MYO5B: variants seen among roughly 807,000 people sequenced by gnomAD.
MYO5B encodes myosin VB, also known as unconventional myosin-Vb.
MYO5B carries 143 observed loss-of-function variants against 229.3 expected under a neutral mutation model. The ratio of observed to expected loss-of-function variants is 0.62; its 90% CI spans 0.54 to 0.72. MYO5B has a LOEUF of 0.72. Ranked by LOEUF, MYO5B falls within the 30% of genes least tolerant of loss-of-function variation. The pLI, the probability that MYO5B is intolerant of heterozygous loss-of-function variation, is 0.00. For synonymous variants in MYO5B, 918 were observed against 885.2 expected (o/e 1.04, Z -0.66); for missense variants, 2,321 against 2,331.0 (o/e 1.00, Z 0.09).
At chr18:50,039,541 G>A (rs9965311) in intron 3 of MYO5B, among the ~76,000 whole-genome samples, 2,352 of 152,072 alleles carry the variant, frequency 0.015, 58 homozygotes, top group African/African-American at 0.053. Flanking sequence ...CCATGTTAGT[G>A]AGGATGGTCT....
chr18:49,855,196 T>G (rs2024246563), intron 30 of MYO5B, among the ~76,000 whole-genome samples: 1 of 152,188 alleles, frequency 6.6e-6, no homozygotes, highest in Non-Finnish European at 1.5e-5. Context: ...GCCCTGAGGA[T>G]TTCTCTCCTG....
chr18:50,092,818 T>C lies in MYO5B; in HGVS notation c.28-37440A>G, dbSNP rs541058189. 3.9e-4 allele frequency among the ~76,000 whole-genome samples: 60 copies of C among 152,334 alleles called. No individual in the cohort carries two copies. In the East Asian group the frequency reaches 4.2e-3, roughly 11 times the overall value. ...ACTCTAATATTGAATTATTGAATCA[T>C]TGAATAAATGTCAAGAGTGTTAGAC... On this transcript the variant is annotated intron_variant, in intron 1 of 39. Coordinates refer to ENST00000285039, the MANE Select transcript of MYO5B (RefSeq NM_001080467.3).
Position 49,961,208 on chromosome 18 carries a change from T to A in MYO5B, c.1545+1058A>T, listed in dbSNP as rs1377347021. 4.6e-5 allele frequency among the ~76,000 whole-genome samples: 7 copies of A among 152,300 alleles called. No homozygotes were observed. In the East Asian group the frequency reaches 1.3e-3, roughly 29 times the overall value. ...GCTACTCAATCTAGGGACAATTGTT[T>A]TACCTTTACTGCTACCCCTCAGGTT... On this transcript the variant is annotated intron_variant, in intron 12 of 39. Transcript: ENST00000285039.
At chr18:50,168,505 G>A (rs1260352052) in intron 1 of MYO5B, among the ~76,000 whole-genome samples, 2 of 152,220 alleles carry the variant, frequency 1.3e-5, no homozygotes, top group African/African-American at 2.4e-5. Flanking sequence ...GCTCCTGCTT[G>A]CTGCAGTCCC....
At chr18:50,008,082 C>T (rs1369912811) in intron 4 of MYO5B, among the ~76,000 whole-genome samples, 1 of 152,136 alleles carries the variant, frequency 6.6e-6, no homozygotes, top group Non-Finnish European at 1.5e-5. Flanking sequence ...ATTACCATTA[C>T]ACTCCTTCCT....
chr18:49,901,634 G>C (rs2024842476), intron 21 of MYO5B, among the ~76,000 whole-genome samples: 1 of 152,216 alleles, frequency 6.6e-6, no homozygotes. Context: ...GTTCAGAGTA[G>C]TCACATCAGC....
intron 1 of MYO5B, among the ~76,000 whole-genome samples, chr18:50,148,493 A>T (rs113969625): frequency 0.074 from 11,206 of 152,176 alleles, 479 homozygotes; most frequent in East Asian, 0.19. Context: ...GCCATGATCA[A>T]GTGGGCTTCA....
At chr18:50,039,486 C>G (rs1223182719) in intron 3 of MYO5B, among the ~76,000 whole-genome samples, 1 of 152,008 alleles carries the variant, frequency 6.6e-6, no homozygotes, top group Non-Finnish European at 1.5e-5. Flanking sequence ...CGCCCGCCAC[C>G]ACACCCGGCT....
chr18:50,019,178 C>T (rs1288182466), intron 4 of MYO5B, among the ~76,000 whole-genome samples: 1 of 152,204 alleles, frequency 6.6e-6, no homozygotes, highest in Non-Finnish European at 1.5e-5. Context: ...TTTAAAGATA[C>T]ACCATAATCA....
intron 1 of MYO5B, among the ~76,000 whole-genome samples, chr18:50,117,512 C>T (rs1219894327): frequency 6.6e-6 from 1 of 152,058 alleles, no homozygotes; most frequent in South Asian, 2.1e-4. Flanking sequence ...CATATCATCG[C>T]CCCCTTTCTC....
At chr18:49,859,942 C>T (rs899003783) in intron 29 of MYO5B, among the ~76,000 whole-genome samples, 1 of 152,200 alleles carries the variant, frequency 6.6e-6, no homozygotes, top group Non-Finnish European at 1.5e-5. Flanking sequence ...TTGTCAAACA[C>T]AGTCTCCGCT....
At chr18:49,856,718 G>T in intron 30 of MYO5B, 95 bp downstream of exon 30, 2 of 1,024,764 alleles carry the variant, frequency 2.0e-6, no homozygotes, top group Non-Finnish European at 3.1e-6. Context: ...TGTTCCCCGT[G>T]CTCTCGCACC....
chr18:50,108,411 T>C (rs1275598604), intron 1 of MYO5B, among the ~76,000 whole-genome samples: 2 of 152,230 alleles, frequency 1.3e-5, no homozygotes, highest in Non-Finnish European at 2.9e-5. Context: ...ATTCGCGCTA[T>C]TGTGTGCTAT....
chr18:49,975,076 C>A (rs1309050972), intron 9 of MYO5B, among the ~76,000 whole-genome samples: 3 of 152,206 alleles, frequency 2.0e-5, no homozygotes, highest in African/African-American at 7.2e-5. Context: ...ACACCAAATG[C>A]AGTTTGCATC....
intron 14 of MYO5B, among the ~76,000 whole-genome samples, chr18:49,940,065 A>G (rs1012454738): frequency 6.6e-6 from 1 of 152,192 alleles, no homozygotes; most frequent in Non-Finnish European, 1.5e-5. Context: ...CTAGTGGAGT[A>G]TTTACTGAGT....
At chr18:49,940,739 G>A (rs2025304681) in intron 14 of MYO5B, among the ~76,000 whole-genome samples, 1 of 152,198 alleles carries the variant, frequency 6.6e-6, no homozygotes, top group Admixed American at 6.5e-5. Context: ...ACGGATCCAA[G>A]GGTTTGTTTT....
At position 50,194,820 on chromosome 18, in the gene MYO5B, C is replaced by T; in HGVS notation, c.-27G>A. The stretch of plus-strand genomic sequence containing the variant: ...GCCCGGGCCGGGCGGGGCTCGGGCC[C>T]CGGCTCCTGGCTGCCCCGCGGCTCT... On this transcript the variant is annotated 5_prime_UTR_variant, in exon 1 of 40. Transcript: ENST00000285039. 2 of 1,320,642 alleles carry T rather than the reference C, an allele frequency of 1.5e-6. No homozygotes were observed. Among genetic ancestry groups the T allele is most frequent in the Non-Finnish European group, 1.9e-6 (2 of 1,039,624 alleles). 81.8% of individuals were successfully genotyped at this position (1,320,642 alleles called of 1,614,324 possible). A position where few individuals can be genotyped will look rare whatever the true frequency, so the allele number is the denominator to read the frequency against.
chr18:50,113,821 G>C (rs1019516743), intron 1 of MYO5B, among the ~76,000 whole-genome samples: 1 of 152,108 alleles, frequency 6.6e-6, no homozygotes, highest in African/African-American at 2.4e-5. Flanking sequence ...TTATCATCCA[G>C]GCATCTCAAA....
chr18:49,940,434 C>G (rs971149579), intron 14 of MYO5B, among the ~76,000 whole-genome samples: 10 of 152,120 alleles, frequency 6.6e-5, no homozygotes, highest in Non-Finnish European at 1.5e-4. Flanking sequence ...TTTCTGCAAC[C>G]TTATTAGGTA....
Sources: gnomAD v4.1 joint callset for allele counts (sites outside exome capture counted in the v4.1 genomes callset) on GRCh38, gnomAD v4.1.1 for gene constraint, MANE v1.5 for transcripts, NCBI Gene and HGNC (gene_info 2026-07-23, HGNC 2026-07-21) for gene names.